Variants in NAV3 observed in about 807,000 individuals in gnomAD.
The protein encoded by NAV3 is neuron navigator 3.
NAV3 carries 87 observed loss-of-function variants against 244.7 expected under a neutral mutation model. The ratio of observed to expected loss-of-function variants is 0.36; its 90% CI spans 0.30 to 0.42. The LOEUF is 0.42. Ranked by LOEUF, NAV3 falls within the 20% of genes least tolerant of loss-of-function variation. The pLI is 1.00. For synonymous variants in NAV3, 1,126 were observed against 1,042.2 expected (o/e 1.08, Z -1.55); for missense variants, 2,663 against 2,893.3 (o/e 0.92, Z 1.83).
chr12:77,959,120 A>G (rs1407978453), intron 3 of NAV3, among the ~76,000 whole-genome samples: 1 of 152,186 alleles, frequency 6.6e-6, no homozygotes, highest in East Asian at 1.9e-4. Context: ...AATTATCTGC[A>G]GTTAGTTTCT....
intron 1 of NAV3, among the ~76,000 whole-genome samples, chr12:77,903,337 C>T (rs12828411): frequency 1.5e-3 from 233 of 152,220 alleles, no homozygotes; most frequent in Non-Finnish European, 2.8e-3. Context: ...AGAAATAATG[C>T]CGCATATCTA....
intron 23 of NAV3, among the ~76,000 whole-genome samples, chr12:78,167,548 A>C (rs1957830258): frequency 6.6e-6 from 1 of 151,334 alleles, no homozygotes; most frequent in African/African-American, 2.4e-5. Flanking sequence ...TAAGGTTAGA[A>C]TAGTCACCAG....
Position 77,745,619 on chromosome 12 carries a change from G to A in NAV3, c.72+173353G>A, listed in dbSNP as rs527382063. Among the ~76,000 whole-genome samples, 7 of 152,092 alleles carry A rather than the reference G, an allele frequency of 4.6e-5. No homozygotes were observed. The South Asian group carries it at 1.5e-3, about 32-fold the overall frequency. On this transcript the variant is annotated intron_variant, in intron 2 of 8. Transcript: ENST00000550042. ...GTAAATACTCCTTGATGAGTTGAAG[G>A]CATCTTGGGAGGGAAGGAAAACTGA...
At chr12:77,841,911 G>A (rs564341279) in intron 1 of NAV3, among the ~76,000 whole-genome samples, 1 of 152,240 alleles carries the variant, frequency 6.6e-6, no homozygotes, top group East Asian at 1.9e-4. Context: ...TCATTGGTCA[G>A]AACTCAGTGA....
Position 78,118,463 on chromosome 12 carries a change from C to T in NAV3, c.3040+166C>T, listed in dbSNP as rs185358541. ...TTTTTCTGTCTACGTTTCACAAACT[C>T]GTCATAGAAGCCCAAGTAGGGCCTA... is the stretch of plus-strand genomic sequence containing the variant. On this transcript the variant is annotated intron_variant, in intron 14 of 39. Transcript: ENST00000397909. Among the ~76,000 whole-genome samples, 5 of 152,286 alleles carry T rather than the reference C, an allele frequency of 3.3e-5. No homozygotes were observed. In the East Asian group the frequency reaches 5.8e-4, roughly 18 times the overall value.
At chr12:77,781,942 T>C (rs1870683456) in intron 2 of NAV3, among the ~76,000 whole-genome samples, 1 of 152,176 alleles carries the variant, frequency 6.6e-6, no homozygotes, top group South Asian at 2.1e-4. Flanking sequence ...CTATGGTCTA[T>C]TGATTAGAAA....
intron 1 of NAV3, among the ~76,000 whole-genome samples, chr12:77,930,402 A>G (rs1255615464): frequency 6.6e-6 from 1 of 150,520 alleles, no homozygotes; most frequent in Non-Finnish European, 1.5e-5. Flanking sequence ...TCACTTTTTT[A>G]TTGTATAATT....
At chr12:77,859,296 A>T (rs1314285478) in intron 1 of NAV3, among the ~76,000 whole-genome samples, 3 of 152,096 alleles carry the variant, frequency 2.0e-5, no homozygotes, top group Non-Finnish European at 4.4e-5. Flanking sequence ...GCCACCTTAG[A>T]TACTATATTG....
At chr12:77,974,739 C>T (rs953059224) in intron 5 of NAV3, among the ~76,000 whole-genome samples, 2 of 152,148 alleles carry the variant, frequency 1.3e-5, no homozygotes, top group Admixed American at 1.3e-4. Context: ...GTGATTTTAA[C>T]CTGCTCAAAT....
At chr12:77,860,551 T>C (rs1388112052) in intron 1 of NAV3, among the ~76,000 whole-genome samples, 3 of 151,836 alleles carry the variant, frequency 2.0e-5, no homozygotes, top group South Asian at 4.1e-4. Context: ...GATTTAGAAA[T>C]AGCCATCTCT....
intron 12 of NAV3, among the ~76,000 whole-genome samples, chr12:78,099,686 G>T (rs1954442831): frequency 6.6e-6 from 1 of 151,806 alleles, no homozygotes; most frequent in Admixed American, 6.6e-5. Context: ...TCTTTAAAAT[G>T]AGCATTGAAT....
intron 2 of NAV3, among the ~76,000 whole-genome samples, chr12:77,820,102 G>GTGTT (rs1872675407): frequency 6.6e-6 from 1 of 152,100 alleles, no homozygotes; most frequent in Non-Finnish European, 1.5e-5. Context: ...GTGTGTGTGT[G>GTGTT]TGTGTGTGCA....
At chr12:78,162,453 A>G (rs950648728) in intron 23 of NAV3, among the ~76,000 whole-genome samples, 8 of 152,044 alleles carry the variant, frequency 5.3e-5, no homozygotes, top group Non-Finnish European at 1.0e-4. Context: ...CTAAAAGCAT[A>G]TTATACATGT....
rs1350161105 is a variant in NAV3 at position 77,691,329 on chromosome 12, G to GTATATATATATATATATA, written c.72+119066_72+119067insATATATATATATATATAT. Among the ~76,000 whole-genome samples the GTATATATATATATATATA allele has an allele frequency of 1.2e-3, 81 of 66,692 alleles. 16 individuals are homozygous for GTATATATATATATATATA. The highest frequency in any genetic ancestry group is 1.3e-3 in the Non-Finnish European group (45 of 34,484). The allele number at this position is 66,692 out of a possible 152,430, so 43.8% of individuals were successfully genotyped here. On this transcript the variant is annotated intron_variant, in intron 2 of 8. Coordinates refer to the NAV3 transcript ENST00000550042. ...TATATAGTCATATATAAGTATTTGT[G>GTATATATATATATATATA]TATGTGTGTATATATATATATATAT...
At chr12:77,661,110 A>G (rs1461244995) in intron 2 of NAV3, among the ~76,000 whole-genome samples, 1 of 151,996 alleles carries the variant, frequency 6.6e-6, no homozygotes, top group African/African-American at 2.4e-5. Context: ...CTGGAGAGAG[A>G]TTGTTGACTA....
At chr12:77,994,490 G>A (rs1872011536) in intron 5 of NAV3, among the ~76,000 whole-genome samples, 1 of 152,060 alleles carries the variant, frequency 6.6e-6, no homozygotes, top group Non-Finnish European at 1.5e-5. Context: ...TCATTTACAA[G>A]GTTGAATTTT....
At chr12:78,048,445 T>G (rs1882207000) in intron 9 of NAV3, among the ~76,000 whole-genome samples, 1 of 152,218 alleles carries the variant, frequency 6.6e-6, no homozygotes, top group African/African-American at 2.4e-5. Context: ...CCTTTTTGTT[T>G]GTTAGTTTTC....
intron 1 of NAV3, among the ~76,000 whole-genome samples, chr12:77,879,133 A>G (rs1882261053): frequency 6.6e-6 from 1 of 152,130 alleles, no homozygotes; most frequent in Non-Finnish European, 1.5e-5. Context: ...TGCAAGAACT[A>G]TTTATGAGTA....
intron 2 of NAV3, among the ~76,000 whole-genome samples, chr12:77,726,391 GT>G (rs1356437888): frequency 6.6e-6 from 1 of 151,910 alleles, no homozygotes; most frequent in East Asian, 1.9e-4. Flanking sequence ...TATCAGTTGT[GT>G]GACAGGTGCC....
Sources: allele counts gnomAD v4.1 joint callset (sites outside exome capture counted in the v4.1 genomes callset), GRCh38; gene constraint gnomAD v4.1.1; transcripts MANE v1.5; gene names NCBI Gene and HGNC (gene_info 2026-07-23, HGNC 2026-07-21).